GALNTL6: variants seen among roughly 807,000 people sequenced by gnomAD.
The protein encoded by GALNTL6 is polypeptide N-acetylgalactosaminyltransferase like 6.
A neutral mutation model predicts 73.7 loss-of-function variants in GALNTL6; 46 were observed. The observed-to-expected ratio is 0.62, with a 90% CI of 0.49 to 0.80. GALNTL6 has a LOEUF of 0.80. GALNTL6 is among the 30% of genes least tolerant of loss of function. GALNTL6 has a pLI of 0.00. For missense variants in GALNTL6, 604 were observed against 755.0 expected, an observed-to-expected ratio of 0.80 and a Z score of 2.34; for synonymous variants, 259 against 263.7, an observed-to-expected ratio of 0.98 and a Z score of 0.17.
intron 2 of GALNTL6, among the ~76,000 whole-genome samples, chr4:172,201,743 A>G (rs1735964077): frequency 1.3e-5 from 2 of 152,226 alleles, no homozygotes; most frequent in South Asian, 4.1e-4. Context: ...TAAAATGGCA[A>G]TTACAGCAAA....
chr4:172,875,206 A>C (rs1195085155), intron 7 of GALNTL6, among the ~76,000 whole-genome samples: 2 of 152,196 alleles, frequency 1.3e-5, no homozygotes, highest in African/African-American at 4.8e-5. Flanking sequence ...ATGTGACCTC[A>C]CTTCTCCTCT....
Position 171,989,702 on chromosome 4 carries a change from T to C in GALNTL6, c.138+174984T>C, listed in dbSNP as rs1740273306. 2.0e-5 allele frequency among the ~76,000 whole-genome samples: 3 copies of C among 152,208 alleles called. No homozygotes were observed. The South Asian group carries it at 6.2e-4, about 32-fold the overall frequency. ...GTTAATTAAGTCCTGTTGTGGGGTT[T>C]GAGGTCTGGAATTTAATTTTTGCAG... is the stretch of plus-strand genomic sequence containing the variant. On this transcript the variant is annotated intron_variant, in intron 2 of 12. Transcript: ENST00000506823.
chr4:172,285,613 A>G (rs1014945018), intron 3 of GALNTL6, among the ~76,000 whole-genome samples: 3 of 152,174 alleles, frequency 2.0e-5, no homozygotes, highest in Non-Finnish European at 4.4e-5. Context: ...TTGCTAAATG[A>G]CAGGACTATT....
intron 2 of GALNTL6, among the ~76,000 whole-genome samples, chr4:172,141,236 C>A (rs550081735): frequency 2.0e-5 from 3 of 152,072 alleles, no homozygotes; most frequent in African/African-American, 7.2e-5. Context: ...AAACACACAT[C>A]CTGTTCTTAG....
At chr4:172,763,297 A>G (rs1738225072) in intron 5 of GALNTL6, among the ~76,000 whole-genome samples, 1 of 152,184 alleles carries the variant, frequency 6.6e-6, no homozygotes, top group Non-Finnish European at 1.5e-5. Context: ...AAAGTCCAGG[A>G]CCTGCAATAT....
intron 5 of GALNTL6, among the ~76,000 whole-genome samples, chr4:172,514,593 C>CA (rs1040368742): frequency 6.6e-6 from 1 of 152,178 alleles, no homozygotes; most frequent in African/African-American, 2.4e-5. Context: ...ATTTGCCCTC[C>CA]ACCCCCAGAT....
intron 10 of GALNTL6, among the ~76,000 whole-genome samples, chr4:172,981,116 TG>T (rs1309033091): frequency 6.6e-5 from 10 of 152,364 alleles, no homozygotes; most frequent in Non-Finnish European, 1.5e-4. Flanking sequence ...ACACTTGGGT[TG>T]TTTCCACCTT....
At chr4:172,116,352 C>G (rs1193481798) in intron 2 of GALNTL6, among the ~76,000 whole-genome samples, 1 of 152,042 alleles carries the variant, frequency 6.6e-6, no homozygotes, top group African/African-American at 2.4e-5. Context: ...TTGAAAAATC[C>G]TACAATGTAA....
intron 10 of GALNTL6, among the ~76,000 whole-genome samples, chr4:172,992,128 A>T (rs573939083): frequency 1.3e-5 from 2 of 152,364 alleles, no homozygotes; most frequent in East Asian, 3.9e-4. Flanking sequence ...ATTTTTAAGC[A>T]TAAGCAATTT....
At chr4:172,760,919 C>T (rs1289951072) in intron 5 of GALNTL6, among the ~76,000 whole-genome samples, 1 of 151,976 alleles carries the variant, frequency 6.6e-6, no homozygotes, top group Non-Finnish European at 1.5e-5. Context: ...ATGCAGTGAC[C>T]AACATAAGGA....
At chr4:172,937,782 A>AAAT (rs1372461238) in intron 9 of GALNTL6, among the ~76,000 whole-genome samples, 7 of 152,220 alleles carry the variant, frequency 4.6e-5, no homozygotes, top group Non-Finnish European at 8.8e-5. Context: ...GGTTAAATGA[A>AAAT]AATAATAAAG....
chr4:172,278,682 AT>A (rs1360508696), intron 3 of GALNTL6, among the ~76,000 whole-genome samples: 1 of 152,210 alleles, frequency 6.6e-6, no homozygotes, highest in African/African-American at 2.4e-5. Context: ...GAAAAAATGT[AT>A]ATTTCAATAT....
intron 2 of GALNTL6, among the ~76,000 whole-genome samples, chr4:171,916,397 G>A (rs1374736937): frequency 6.6e-6 from 1 of 152,020 alleles, no homozygotes; most frequent in East Asian, 1.9e-4. Context: ...TGTTGGAAAT[G>A]GTATTTGTGG....
At chr4:172,904,889 C>T (rs1287880560) in intron 8 of GALNTL6, among the ~76,000 whole-genome samples, 2 of 152,150 alleles carry the variant, frequency 1.3e-5, no homozygotes. Flanking sequence ...ACTAATACTT[C>T]AAGGTCTAAT....
chr4:172,695,544 G>T (rs898248484), intron 5 of GALNTL6, among the ~76,000 whole-genome samples: 1 of 152,146 alleles, frequency 6.6e-6, no homozygotes, highest in African/African-American at 2.4e-5. Context: ...ATTACTATTT[G>T]TTAGAGGCTG....
intron 4 of GALNTL6, among the ~76,000 whole-genome samples, chr4:172,336,379 C>T (rs1337235522): frequency 2.9e-5 from 4 of 140,252 alleles, no homozygotes; most frequent in Non-Finnish European, 4.5e-5. Context: ...CAAGGCTATT[C>T]TCCTGCCTCA....
chr4:172,388,047 C>T (rs1195369683), intron 5 of GALNTL6, among the ~76,000 whole-genome samples: 1 of 152,146 alleles, frequency 6.6e-6, no homozygotes, highest in Non-Finnish European at 1.5e-5. Context: ...TGGATACGAT[C>T]AAAATAGGCA....
chr4:172,846,926 CTT>C (rs1743543016), intron 7 of GALNTL6, among the ~76,000 whole-genome samples: 1 of 151,926 alleles, frequency 6.6e-6, no homozygotes, highest in Non-Finnish European at 1.5e-5. Context: ...CAAATTTTTT[CTT>C]TGTTTCTTTC....
chr4:172,467,445 A>T (rs1033411272), intron 5 of GALNTL6, among the ~76,000 whole-genome samples: 3 of 152,312 alleles, frequency 2.0e-5, no homozygotes, highest in Non-Finnish European at 4.4e-5. Flanking sequence ...CTGCAGCTTG[A>T]CTGGCTGATG....
Sources: gnomAD v4.1 joint callset for allele counts (sites outside exome capture counted in the v4.1 genomes callset) on GRCh38, gnomAD v4.1.1 for gene constraint, MANE v1.5 for transcripts, NCBI Gene and HGNC (gene_info 2026-07-23, HGNC 2026-07-21) for gene names.